The following RBKS variants were observed in gnomAD, a reference collection of about 807,000 sequenced individuals.
The protein encoded by RBKS is ribokinase.
Under a neutral mutation model 33.9 loss-of-function variants are expected in RBKS, and 33 were observed. The ratio of observed to expected loss-of-function variants is 0.97; its 90% CI spans 0.74 to 1.30. The LOEUF is 1.30. Among genes scored for constraint, RBKS ranks in the 50% most tolerant of loss-of-function variants. The pLI, the probability that RBKS is intolerant of heterozygous loss-of-function variation, is 0.00. For missense variants in RBKS, 361 were observed against 392.6 expected (o/e 0.92, Z 0.68); for synonymous variants, 125 against 143.0 (o/e 0.87, Z 0.90).
At chr2:27,818,488 CAGAT>C (rs367981339) in intron 7 of RBKS, among the ~76,000 whole-genome samples, 59 of 152,300 alleles carry the variant, frequency 3.9e-4, no homozygotes, top group African/African-American at 1.1e-3. Context: ...GACAGACAGA[CAGAT>C]AGGCAGACCG....
At chr2:27,881,596 A>G (rs963855776) in intron 1 of RBKS, among the ~76,000 whole-genome samples, 2 of 152,050 alleles carry the variant, frequency 1.3e-5, no homozygotes, top group African/African-American at 4.8e-5. Flanking sequence ...GAACCAAAAA[A>G]GAGCCTGAAT....
chr2:27,849,559 C>CAAAAA (rs70953894), intron 2 of RBKS, among the ~76,000 whole-genome samples: 99 of 28,576 alleles, frequency 3.5e-3, no homozygotes, highest in Non-Finnish European at 4.1e-3. Flanking sequence ...GACTCTGTCT[C>CAAAAA]AAAAAAAAAA....
intron 7 of RBKS, among the ~76,000 whole-genome samples, chr2:27,786,076 A>C (rs1044981264): frequency 6.6e-6 from 1 of 152,218 alleles, no homozygotes; most frequent in Non-Finnish European, 1.5e-5. Flanking sequence ...TTCAGCATCC[A>C]TGATCCCATT....
chr2:27,864,884 C>A (rs1159051939), intron 1 of RBKS, among the ~76,000 whole-genome samples: 1 of 152,174 alleles, frequency 6.6e-6, no homozygotes, highest in African/African-American at 2.4e-5. Context: ...ACCTACTGAC[C>A]TTTGCTTTGT....
intron 4 of RBKS, among the ~76,000 whole-genome samples, chr2:27,845,007 G>A (rs1212008047): frequency 6.6e-6 from 1 of 152,188 alleles, no homozygotes; most frequent in South Asian, 2.1e-4. Context: ...TGTTGGCCAC[G>A]AGGAAGACTT....
At chr2:27,836,157 G>T (rs1365379031) in intron 5 of RBKS, among the ~76,000 whole-genome samples, 1 of 152,162 alleles carries the variant, frequency 6.6e-6, no homozygotes, top group Admixed American at 6.5e-5. Flanking sequence ...GGAGGGTGTG[G>T]TGAGCCGAGA....
chr2:27,883,064 A>G (rs1664449413), intron 1 of RBKS, among the ~76,000 whole-genome samples: 1 of 152,232 alleles, frequency 6.6e-6, no homozygotes, highest in African/African-American at 2.4e-5. Flanking sequence ...CTATATAACA[A>G]ACCTGCACAT....
intron 7 of RBKS, among the ~76,000 whole-genome samples, chr2:27,790,656 A>G (rs2148183163): frequency 2.0e-5 from 3 of 152,382 alleles, no homozygotes; most frequent in Middle Eastern, 6.8e-3. Context: ...TATGCCAAAT[A>G]AGTATATGAA....
Position 27,890,296 on chromosome 2 carries a change from G to A in RBKS, c.50C>T (p.Ala17Val), listed in dbSNP as rs138553386. The A allele has an allele frequency of 4.3e-6, 7 of 1,613,574 alleles. No individual in the cohort carries two copies. Among genetic ancestry groups the A allele is most frequent in the Non-Finnish European group, 5.1e-6 (6 of 1,179,994 alleles). ...CATGCAGGAGCCCACCACTACCACC[G>A]CCGCCACCTCCTCTTGCCACTGCCT... is the stretch of plus-strand genomic sequence containing the variant. ...PQRQWQEEVA[A>V]VVVVGSCMTD... The change falls in exon 1 of 8, where the codon GCG becomes GTG. Residue 17 changes from alanine to valine, a missense_variant. Transcript: ENST00000302188. This position sits in a 1 kb window ranked among gnomAD's most constrained non-coding sequence, Gnocchi z 4.8.
At chr2:27,868,366 AG>A (rs1392813990) in intron 1 of RBKS, among the ~76,000 whole-genome samples, 1 of 152,142 alleles carries the variant, frequency 6.6e-6, no homozygotes, top group East Asian at 1.9e-4. Flanking sequence ...TTAGGGAAAA[AG>A]TGAGAGTTCA....
chr2:27,856,269 C>A (rs1486075192), intron 2 of RBKS, among the ~76,000 whole-genome samples: 1 of 152,160 alleles, frequency 6.6e-6, no homozygotes, highest in Non-Finnish European at 1.5e-5. Context: ...AGGCTAAAAT[C>A]CACTGTGGTG....
intron 1 of RBKS, among the ~76,000 whole-genome samples, chr2:27,874,174 A>G (rs973384221): frequency 5.9e-5 from 9 of 152,378 alleles, no homozygotes; most frequent in African/African-American, 1.9e-4. Context: ...TGTAGAAAGT[A>G]CTAAAAAGTG....
In RBKS at chr2:27,847,563, G is replaced by GC. The variant is rs573050442; in HGVS notation, c.287-460dup. ...TATAAACAGAAATGTTGACCAGGCA[G>GC]CCTTTGGTAGCAGCAAAGAGCCCTG... On this transcript the variant is annotated intron_variant, in intron 3 of 7. Coordinates refer to ENST00000302188, the MANE Select transcript of RBKS (RefSeq NM_022128.3). Among the ~76,000 whole-genome samples the GC allele has an allele frequency of 2.5e-3, 385 of 152,322 alleles. 1 individual carries two copies. Among genetic ancestry groups the GC allele is most frequent in the African/African-American group, 8.8e-3 (364 of 41,568 alleles).
intron 7 of RBKS, among the ~76,000 whole-genome samples, chr2:27,789,947 G>GTATA (rs1573031940): frequency 1.1e-5 from 1 of 95,152 alleles, no homozygotes; most frequent in South Asian, 3.5e-4. Flanking sequence ...ATATGTATAT[G>GTATA]TGTATATATA....
Position 27,837,710 on chromosome 2 carries a change from C to G in RBKS, c.515-4933G>C, listed in dbSNP as rs1206117756. ...TGGAGCTGGAGGCCATAATCCTAAT[C>G]AAATTAAAATAAGAACAGAAAACCA... On this transcript the variant is annotated intron_variant, in intron 5 of 7. Coordinates refer to ENST00000302188, the MANE Select transcript of RBKS (RefSeq NM_022128.3). This position sits in a 1 kb window ranked among gnomAD's most constrained non-coding sequence, Gnocchi z 4.0. Among the ~76,000 whole-genome samples, 1 of 152,126 alleles carries G rather than the reference C, an allele frequency of 6.6e-6. No homozygotes were observed. Among genetic ancestry groups the G allele is most frequent in the Non-Finnish European group, 1.5e-5 (1 of 68,026 alleles).
intron 5 of RBKS, among the ~76,000 whole-genome samples, chr2:27,834,995 G>C (rs1678488218): frequency 6.6e-6 from 1 of 152,172 alleles, no homozygotes. Context: ...TATGACATAG[G>C]CTGGGCGTGG....
chr2:27,888,353 CCTCA>C (rs1442051571), intron 1 of RBKS, among the ~76,000 whole-genome samples: 1 of 152,120 alleles, frequency 6.6e-6, no homozygotes, highest in African/African-American at 2.4e-5. Flanking sequence ...GTCTGAAACT[CCTCA>C]CTCAGGTGAT....
At chr2:27,855,501 C>T (rs1389935084) in intron 2 of RBKS, among the ~76,000 whole-genome samples, 1 of 152,182 alleles carries the variant, frequency 6.6e-6, no homozygotes, top group African/African-American at 2.4e-5. Flanking sequence ...TAACATTTGG[C>T]TTCAATGGAA....
intron 7 of RBKS, among the ~76,000 whole-genome samples, chr2:27,812,028 A>G (rs1202559279): frequency 6.6e-6 from 1 of 152,210 alleles, no homozygotes; most frequent in Non-Finnish European, 1.5e-5. Flanking sequence ...CCTTTTGAGA[A>G]GTGTTTGTTC....
Sources: allele counts gnomAD v4.1 joint callset (sites outside exome capture counted in the v4.1 genomes callset), GRCh38; gene constraint gnomAD v4.1.1; non-coding constraint Gnocchi (gnomAD v3.1); transcripts MANE v1.5; gene names NCBI Gene and HGNC (gene_info 2026-07-23, HGNC 2026-07-21).